Variants in CRLS1 observed in about 807,000 individuals in gnomAD.
The protein encoded by CRLS1 is cardiolipin synthase 1.
Under a neutral mutation model 37.0 loss-of-function variants are expected in CRLS1, and 24 were observed. The observed-to-expected ratio is 0.65, with a 90% confidence interval of 0.47 to 0.91. The LOEUF (loss-of-function observed/expected upper bound fraction) is 0.91. CRLS1 is among the 40% of genes least tolerant of loss of function. The pLI, the probability that CRLS1 is intolerant of heterozygous loss-of-function variation, is 0.00. For synonymous variants in CRLS1, 135 were observed against 159.7 expected (o/e 0.85, Z 1.17); for missense variants, 373 against 395.8 (o/e 0.94, Z 0.49).
chr20:6,019,084 G>A (rs1048004107), intron 3 of CRLS1, among the ~76,000 whole-genome samples: 12 of 151,974 alleles, frequency 7.9e-5, no homozygotes, highest in African/African-American at 2.9e-4. Flanking sequence ...TCCATTCTTG[G>A]AAGATGTTTG....
chr20:6,024,219 G>A (rs1291045986), intron 3 of CRLS1, among the ~76,000 whole-genome samples: 1 of 152,108 alleles, frequency 6.6e-6, no homozygotes, highest in Non-Finnish European at 1.5e-5. Context: ...GCCTTTCAAA[G>A]TGCTGGGATT....
At chr20:6,007,944 C>A (rs755614016) in intron 1 of CRLS1, among the ~76,000 whole-genome samples, 10 of 152,168 alleles carry the variant, frequency 6.6e-5, no homozygotes, top group Non-Finnish European at 1.2e-4. Flanking sequence ...GATTGCTCTT[C>A]GGATAATTTG....
chr20:6,031,507 G>T, intron 4 of CRLS1, 137 bp downstream of exon 4: 1 of 602,716 alleles, frequency 1.7e-6, no homozygotes. Context: ...ATCCCTAGAA[G>T]CAAATTCTTT....
In CRLS1 at chr20:6,006,462, G is replaced by A. The variant is rs1418334460; in HGVS notation, c.216G>A (p.Ala72=). 6 of 1,402,606 alleles carry A rather than the reference G, an allele frequency of 4.3e-6. No homozygotes were observed. The highest frequency in any genetic ancestry group is 2.8e-6 in the Non-Finnish European group (3 of 1,080,482). 86.9% of individuals were successfully genotyped at this position (1,402,606 alleles called of 1,614,324 possible). ...GIGQRNHCSG[A]GKAAPRPAAG... is the part of the protein sequence containing the mutation. The stretch of plus-strand genomic sequence containing the variant: ...GCCAGCGGAACCACTGTTCGGGCGC[G>A]GGGAAGGCGGCTCCCAGGCCAGCGG... Residue 72 remains alanine, a synonymous_variant, in exon 1 of 7, where the codon GCG becomes GCA. Coordinates refer to ENST00000378863, the MANE Select transcript of CRLS1 (RefSeq NM_019095.6).
intron 3 of CRLS1, among the ~76,000 whole-genome samples, chr20:6,023,090 G>A (rs1338391830): frequency 6.6e-6 from 1 of 151,504 alleles, no homozygotes; most frequent in South Asian, 2.1e-4. Context: ...ATTCTTTTTT[G>A]GACTTGCTAA....
chr20:6,006,670 C>A (rs1436067736), intron 1 of CRLS1, 118 bp downstream of exon 1: 2 of 1,210,262 alleles, frequency 1.7e-6, no homozygotes, highest in Non-Finnish European at 2.1e-6. Context: ...CTTTTAGACT[C>A]TTCCCTGAAA....
chr20:6,032,313 G>A (rs1980224924), intron 5 of CRLS1, among the ~76,000 whole-genome samples: 1 of 151,246 alleles, frequency 6.6e-6, no homozygotes, highest in South Asian at 2.1e-4. Context: ...AGCTCTGAAT[G>A]AGGTAATCGG....
chr20:6,029,884 G>A (rs1980014695), intron 3 of CRLS1, among the ~76,000 whole-genome samples: 1 of 152,124 alleles, frequency 6.6e-6, no homozygotes, highest in Non-Finnish European at 1.5e-5. Flanking sequence ...GGATCAATAT[G>A]TACATCATAG....
intron 3 of CRLS1, 137 bp from the exon 4 acceptor site, chr20:6,031,148 G>A (rs572039078): frequency 1.4e-5 from 8 of 554,508 alleles, no homozygotes; most frequent in African/African-American, 7.7e-5. Flanking sequence ...CTAAACCATC[G>A]ATAGGTGTTC....
At chr20:6,030,347 A>G (rs1170775305) in intron 3 of CRLS1, among the ~76,000 whole-genome samples, 3 of 152,158 alleles carry the variant, frequency 2.0e-5, no homozygotes, top group Non-Finnish European at 4.4e-5. Flanking sequence ...AGGAATGATG[A>G]CAAAAATATT....
chr20:6,024,937 G>A (rs1979558362), intron 3 of CRLS1, among the ~76,000 whole-genome samples: 1 of 152,226 alleles, frequency 6.6e-6, no homozygotes, highest in Admixed American at 6.5e-5. Flanking sequence ...TGAAGAAGTT[G>A]CAGAAGAAAA....
Position 6,037,155 on chromosome 20 carries a change from C to T in CRLS1, c.903C>T (p.Asp301=). Residue 301 remains aspartate, a synonymous_variant, in exon 7 of 7, where the codon GAC becomes GAT. Transcript: ENST00000378863. ...YGRKTVQVIK[D] ...GGAAGACTGTTCAGGTGATAAAAGA[C>T]TGATGAAAGTCATCCCTCACTGTTA... 2 of 1,609,360 alleles carry T rather than the reference C, an allele frequency of 1.2e-6. No individual in the cohort carries two copies. The highest frequency in any genetic ancestry group is 1.7e-6 in the Non-Finnish European group (2 of 1,175,998).
At chr20:6,019,343 T>C (rs1351790103) in intron 3 of CRLS1, among the ~76,000 whole-genome samples, 1 of 152,164 alleles carries the variant, frequency 6.6e-6, no homozygotes, top group East Asian at 1.9e-4. Context: ...ATAAAAAATG[T>C]ATCATACGGT....
rs572429010 is a variant in CRLS1 at position 6,024,129 on chromosome 20, A to AT, written c.575-7149dup. ...CACCACACACCCAGCTAAGTTTTAA[A>AT]TTTTTTTATAGAGATGGGGTTTCCC... On this transcript the variant is annotated intron_variant, in intron 3 of 6. Coordinates refer to ENST00000378863, the MANE Select transcript of CRLS1 (RefSeq NM_019095.6). 9.9e-5 allele frequency among the ~76,000 whole-genome samples: 15 copies of AT among 151,948 alleles called. No homozygotes were observed. In the East Asian group the frequency reaches 1.7e-3, roughly 18 times the overall value.
chr20:6,037,576 A>G lies in CRLS1; in HGVS notation c.*418A>G, dbSNP rs1351624069. The G allele has an allele frequency of 6.5e-6, 1 of 153,432 alleles. No individual in the cohort carries two copies. The highest frequency in any genetic ancestry group is 1.5e-5 in the Non-Finnish European group (1 of 68,932). 9.5% of individuals were successfully genotyped at this position (153,432 alleles called of 1,614,324 possible). ...AATATATATCCTACACAACTGGGCA[A>G]TACATTTTTGTTTGATTTTTAGGTC... On this transcript the variant is annotated 3_prime_UTR_variant, in exon 7 of 7. Transcript: ENST00000378863.
intron 3 of CRLS1, among the ~76,000 whole-genome samples, chr20:6,018,157 A>C (rs1026392167): frequency 4.9e-5 from 7 of 144,008 alleles, no homozygotes; most frequent in Non-Finnish European, 1.0e-4. Context: ...CAGAGGTTGC[A>C]ATGAGCCGAG....
intron 5 of CRLS1, among the ~76,000 whole-genome samples, chr20:6,033,290 C>G (rs1600391075): frequency 6.6e-6 from 1 of 151,360 alleles, no homozygotes; most frequent in Non-Finnish European, 1.5e-5. Flanking sequence ...CCACCACGCC[C>G]AGCTAATTTT....
chr20:6,029,810 C>T (rs1450022426), intron 3 of CRLS1, among the ~76,000 whole-genome samples: 1 of 152,210 alleles, frequency 6.6e-6, no homozygotes, highest in African/African-American at 2.4e-5. Flanking sequence ...GCTCCAAATG[C>T]CGTGACTTGA....
intron 1 of CRLS1, among the ~76,000 whole-genome samples, chr20:6,007,854 A>C (rs2090080077): frequency 6.6e-6 from 1 of 152,254 alleles, no homozygotes; most frequent in Non-Finnish European, 1.5e-5. Context: ...GATGTATTCC[A>C]AGAATGTTTT....
Sources: allele counts gnomAD v4.1 joint callset (sites outside exome capture counted in the v4.1 genomes callset), GRCh38; gene constraint gnomAD v4.1.1; transcripts MANE v1.5; gene names NCBI Gene and HGNC (gene_info 2026-07-23, HGNC 2026-07-21).